TMEM67: variants seen among roughly 807,000 people sequenced by gnomAD.
TMEM67 encodes meckelin.
TMEM67 carries 124 observed loss-of-function variants against 136.6 expected under a neutral mutation model. The observed-to-expected ratio is 0.91, with a 90% CI of 0.78 to 1.05. TMEM67 has a LOEUF of 1.05. Among genes scored for constraint, TMEM67 ranks in the 50% least tolerant of loss-of-function variants. The pLI, the probability that TMEM67 is intolerant of heterozygous loss-of-function variation, is 0.00. For synonymous variants in TMEM67, 364 were observed against 390.5 expected (o/e 0.93, Z 0.80); for missense variants, 1,107 against 1,178.4 (o/e 0.94, Z 0.89).
rs545056873 is a variant in TMEM67, at chr8:93,789,689, A to G, written c.1519-1574A>G. 1.1e-4 allele frequency among the ~76,000 whole-genome samples: 16 copies of G among 150,254 alleles called. No homozygotes were observed. The East Asian group carries it at 2.7e-3, about 25-fold the overall frequency. ...ATATATATTTTTTTTTTAATGTAAA[A>G]CACTTCTGAGTTTTTTTCTTTAAAT... On this transcript the variant is annotated intron_variant, in intron 14 of 27. Transcript: ENST00000453321.
chr8:93,818,918 C>G (rs893667414), downstream of TMEM67: 1 of 358,200 alleles, frequency 2.8e-6, no homozygotes, highest in African/African-American at 2.2e-5. Flanking sequence ...TCCTCCACCT[C>G]AGCCTCCCAA....
chr8:93,810,617 A>G (rs1808663801), intron 26 of TMEM67, among the ~76,000 whole-genome samples: 1 of 152,116 alleles, frequency 6.6e-6, no homozygotes, highest in Non-Finnish European at 1.5e-5. Flanking sequence ...AACAAAGGAA[A>G]CATAATGAAC....
At chr8:93,769,294 G>A (rs988128029) in intron 6 of TMEM67, among the ~76,000 whole-genome samples, 1 of 152,254 alleles carries the variant, frequency 6.6e-6, no homozygotes, top group East Asian at 1.9e-4. Flanking sequence ...CAGTCCTGCC[G>A]ATGCCATGAG....
intron 7 of TMEM67, among the ~76,000 whole-genome samples, chr8:93,779,189 T>C (rs1813695566): frequency 6.6e-6 from 1 of 152,220 alleles, no homozygotes; most frequent in Admixed American, 6.5e-5. Flanking sequence ...TCTTGTGCCA[T>C]GTCTTTTAGC....
rs1814783691 is a variant in TMEM67 at position 93,799,719 on chromosome 8, A to G, written c.2202A>G (p.Ala734=). 1.2e-6 allele frequency: 2 copies of G among 1,613,898 alleles called. No individual in the cohort carries two copies. Among genetic ancestry groups the G allele is most frequent in the Non-Finnish European group, 1.7e-6 (2 of 1,179,866 alleles). ...CTTATAGCTGCATTTTGAGATATGC[A>G]GTGTCTGCTGCTCTTTGGCTAGCCA... ...IAPYSCILRY[A]VSAALWLAIG... The change falls in exon 21 of 28, where the codon GCA becomes GCG. Residue 734 remains alanine, a synonymous_variant. Coordinates refer to ENST00000453321, the MANE Select transcript of TMEM67 (RefSeq NM_153704.6).
chr8:93,801,910 A>AG (rs1282822738), intron 21 of TMEM67, among the ~76,000 whole-genome samples: 1 of 152,238 alleles, frequency 6.6e-6, no homozygotes, highest in Non-Finnish European at 1.5e-5. Flanking sequence ...AAAAGAGTAT[A>AG]GGGTTTGATG....
intron 22 of TMEM67, 87 bp from the exon 23 acceptor site, chr8:93,804,675 A>G: frequency 1.4e-6 from 1 of 725,704 alleles, no homozygotes; most frequent in Non-Finnish European, 2.4e-6. Context: ...TTATTTTGGG[A>G]AAAAGAAAGC....
chr8:93,784,982 A>T (rs1459306527), intron 11 of TMEM67, among the ~76,000 whole-genome samples: 2 of 152,332 alleles, frequency 1.3e-5, no homozygotes, highest in Non-Finnish European at 1.5e-5. Context: ...TTCTCAAAGC[A>T]GTACTTTACT....
At chr8:93,779,929 A>G (rs1455850046) in intron 7 of TMEM67, among the ~76,000 whole-genome samples, 1 of 152,100 alleles carries the variant, frequency 6.6e-6, no homozygotes, top group Non-Finnish European at 1.5e-5. Context: ...GGGATGTTTA[A>G]CTCTGCAGAA....
intron 2 of TMEM67, 148 bp from the exon 3 acceptor site, chr8:93,758,335 C>T: frequency 1.6e-6 from 1 of 621,044 alleles, no homozygotes; most frequent in Non-Finnish European, 2.8e-6. Flanking sequence ...TGAATTATCT[C>T]TCCAGGGAAT....
At position 93,799,608 on chromosome 8, in the gene TMEM67, T is replaced by G. The variant is rs1435643445; in HGVS notation, c.2101-10T>G. 3 of 1,613,804 alleles carry G rather than the reference T, an allele frequency of 1.9e-6. No individual in the cohort carries two copies. The highest frequency in any genetic ancestry group is 1.7e-6 in the Non-Finnish European group (2 of 1,179,874). On this transcript the variant is annotated splice_polypyrimidine_tract_variant and intron_variant, in intron 20 of 27. Transcript: ENST00000453321. ...TCCGTTTAAATTACTACTTTTCCTT[T>G]TTACTCCAGGTTGTGGGATTCAAGA... is the stretch of plus-strand genomic sequence containing the variant.
intron 14 of TMEM67, among the ~76,000 whole-genome samples, chr8:93,790,645 T>C (rs544053836): frequency 6.6e-6 from 1 of 152,342 alleles, no homozygotes; most frequent in South Asian, 2.1e-4. Context: ...ATTTACTTCT[T>C]TGAAAACCTC....
chr8:93,764,294 CTG>C (rs1290533072), intron 4 of TMEM67, among the ~76,000 whole-genome samples: 2 of 152,140 alleles, frequency 1.3e-5, no homozygotes, highest in Non-Finnish European at 1.5e-5. Context: ...AGTAACCACT[CTG>C]TACAGGGTAG....
intron 26 of TMEM67, 96 bp downstream of exon 26, chr8:93,809,983 T>G: frequency 1.3e-6 from 1 of 785,992 alleles, no homozygotes; most frequent in Non-Finnish European, 2.0e-6. Flanking sequence ...TTTTTTTTTT[T>G]TTTTAGACGG....
chr8:93,804,889 G>A lies in TMEM67; in HGVS notation c.2439+11G>A. 7.0e-7 allele frequency: 1 copy of A among 1,428,318 alleles called. No individual in the cohort carries two copies. The highest frequency in any genetic ancestry group is 9.9e-7 in the Non-Finnish European group (1 of 1,011,790). 88.5% of individuals were successfully genotyped at this position (1,428,318 alleles called of 1,614,324 possible). A position where few individuals can be genotyped will look rare whatever the true frequency, so the allele number is the denominator to read the frequency against. Reference sequence around the variant, plus strand: ...CTTAAAAGAGAAGCGGTATGAAAATGTTTTACATCTTTTTGTTTTTAAGTT... The same window carrying A: ...CTTAAAAGAGAAGCGGTATGAAAATATTTTACATCTTTTTGTTTTTAAGTT... On this transcript the variant is annotated intron_variant, in intron 23 of 27. Transcript: ENST00000453321.
chr8:93,793,839 C>T (rs963031125), intron 16 of TMEM67, among the ~76,000 whole-genome samples: 12 of 151,790 alleles, frequency 7.9e-5, no homozygotes, highest in African/African-American at 2.9e-4. Context: ...TCCATGTAGT[C>T]CTTTGTTTAA....
intron 17 of TMEM67, 118 bp from the exon 18 acceptor site, chr8:93,795,783 C>T (rs890908032): frequency 1.4e-5 from 11 of 767,460 alleles, no homozygotes; most frequent in South Asian, 1.0e-4. Context: ...AAGTCCTGCC[C>T]GGGCAGCATA....
At chr8:93,827,597 T>A in the TMEM67 span, among the ~76,000 whole-genome samples, 3 of 150,180 alleles carry the variant, frequency 2.0e-5, no homozygotes, top group Non-Finnish European at 1.5e-5. Context: ...TTTTTTTGTA[T>A]TTTTTGCCTA....
Position 93,755,840 on chromosome 8 carries a change from A to G in TMEM67, c.286A>G (p.Ile96Val). Reference sequence around the variant, plus strand: ...CTCTAATAATGGAGGACCTGCTATTATTTGTAAAAAGTGCCCAGAAAACAT... The same window carrying G: ...CTCTAATAATGGAGGACCTGCTATTGTTTGTAAAAAGTGCCCAGAAAACAT... The part of the protein sequence containing the change: ...MISNNGGPAI[I>V]CKKCPENMKG... Residue 96 changes from isoleucine to valine, a missense_variant, in exon 2 of 28, where the codon ATT becomes GTT. By Grantham distance (29) the Ile-to-Val change is conservative. Around this residue, in one of 3 missense-constraint regions of TMEM67, gnomAD observed 178 missense variants for 159.2 expected, o/e 1.12. Coordinates refer to ENST00000453321, the MANE Select transcript of TMEM67 (RefSeq NM_153704.6). 1 of 1,559,650 alleles carries G rather than the reference A, an allele frequency of 6.4e-7. No homozygotes were observed.
Sources: gnomAD v4.1 joint callset for allele counts (sites outside exome capture counted in the v4.1 genomes callset) on GRCh38, gnomAD v4.1.1 for gene constraint, gnomAD v4.1.1 regional missense constraint, MANE v1.5 for transcripts, NCBI Gene and HGNC (gene_info 2026-07-23, HGNC 2026-07-21) for gene names.